Variants in CWC27 observed in about 807,000 individuals in gnomAD.
CWC27 encodes spliceosome-associated protein CWC27 homolog.
In CWC27, 47 loss-of-function variants were observed where a neutral mutation model predicts 63.6. The ratio of observed to expected loss-of-function variants is 0.74; its 90% CI spans 0.58 to 0.94. The LOEUF (loss-of-function observed/expected upper bound fraction) is 0.94. Among genes scored for constraint, CWC27 ranks in the 40% least tolerant of loss-of-function variants. The pLI, the probability that CWC27 is intolerant of heterozygous loss-of-function variation, is 0.00. For synonymous variants in CWC27, 175 were observed against 179.8 expected, an observed-to-expected ratio of 0.97 and a Z score of 0.22; for missense variants, 495 against 554.3, an observed-to-expected ratio of 0.89 and a Z score of 1.07.
chr5:64,966,748 T>G (rs959370807), intron 11 of CWC27, among the ~76,000 whole-genome samples: 2 of 152,146 alleles, frequency 1.3e-5, no homozygotes, highest in Admixed American at 1.3e-4. Flanking sequence ...TGAGTGCTAG[T>G]TTTAATGTCT....
intron 9 of CWC27, among the ~76,000 whole-genome samples, chr5:64,802,122 G>C (rs72756879): frequency 0.16 from 24,475 of 152,176 alleles, 2,395 homozygotes; most frequent in East Asian, 0.34. Flanking sequence ...AGTGATGAAG[G>C]GGGTGAGGTC....
intron 12 of CWC27, among the ~76,000 whole-genome samples, chr5:64,974,074 G>GA (rs777922530): frequency 0.012 from 1,578 of 129,356 alleles, 23 homozygotes; most frequent in African/African-American, 0.03. Flanking sequence ...CATCTCTACA[G>GA]AAAAAAAAAA....
In CWC27 at chr5:64,801,316, C is replaced by A. The variant is rs140266671; in HGVS notation, c.764C>A (p.Ala255Glu). The A allele has an allele frequency of 2.5e-4, 352 of 1,408,132 alleles. No individual in the cohort carries two copies. The African/African-American group carries it at 4.8e-3, about 19-fold the overall frequency. 87.2% of individuals were successfully genotyped at this position (1,408,132 alleles called of 1,614,324 possible). Residue 255 changes from alanine (A) to glutamate (E), a missense_variant, in exon 9 of 14, where the codon GCA becomes GAA. Around this residue, in one of 3 missense-constraint regions of CWC27, gnomAD observed 463 missense variants for 498.1 expected, o/e 0.93. Transcript: ENST00000381070. The stretch of plus-strand genomic sequence containing the variant: ...TTTTTTTATAGTGAAAAAGGTGATG[C>A]ACCAGATTTAGTTGATGTAAGTATT... ...VPVVESEKGD[A>E]PDLVDDGEDE... is the part of the protein sequence containing the mutation.
chr5:64,954,912 C>T (rs988457719), intron 11 of CWC27, among the ~76,000 whole-genome samples: 1 of 151,920 alleles, frequency 6.6e-6, no homozygotes, highest in Non-Finnish European at 1.5e-5. Flanking sequence ...CCATGATAAG[C>T]AGTGCTACAT....
At chr5:64,797,570 T>C (rs1744320059) in intron 7 of CWC27, among the ~76,000 whole-genome samples, 1 of 152,192 alleles carries the variant, frequency 6.6e-6, no homozygotes, top group Middle Eastern at 3.2e-3. Context: ...TTTAAATTAG[T>C]GTAAAACAAG....
At chr5:64,834,902 G>C (rs1261517052) in intron 10 of CWC27, among the ~76,000 whole-genome samples, 4 of 151,694 alleles carry the variant, frequency 2.6e-5, no homozygotes, top group African/African-American at 9.7e-5. Flanking sequence ...CAGGAAAAGA[G>C]TTTGCAATTC....
chr5:64,837,450 C>T (rs1745685830), intron 10 of CWC27, among the ~76,000 whole-genome samples: 1 of 151,248 alleles, frequency 6.6e-6, no homozygotes, highest in Admixed American at 6.6e-5. Flanking sequence ...CTTACTTTGG[C>T]TACTAAAGTG....
chr5:64,900,257 A>G (rs546430516), intron 11 of CWC27, among the ~76,000 whole-genome samples: 19 of 152,298 alleles, frequency 1.2e-4, no homozygotes, highest in Admixed American at 1.2e-3. Context: ...AATTTTAGCC[A>G]TTCTAATAGT....
At chr5:64,819,265 G>A (rs906344927) in intron 10 of CWC27, among the ~76,000 whole-genome samples, 8 of 152,052 alleles carry the variant, frequency 5.3e-5, no homozygotes, top group African/African-American at 1.4e-4. Flanking sequence ...ACATCATACT[G>A]GACTTAATAA....
At chr5:64,804,004 T>C (rs1410042431) in intron 9 of CWC27, among the ~76,000 whole-genome samples, 1 of 152,102 alleles carries the variant, frequency 6.6e-6, no homozygotes, top group Non-Finnish European at 1.5e-5. Flanking sequence ...CGAACAGCCT[T>C]TCCTGGGGTA....
At chr5:64,999,397 T>C (rs1179414728) in intron 13 of CWC27, among the ~76,000 whole-genome samples, 1 of 152,112 alleles carries the variant, frequency 6.6e-6, no homozygotes, top group Non-Finnish European at 1.5e-5. Context: ...AATAAATTTT[T>C]AACCATAGTC....
chr5:64,964,000 T>C (rs1748967594), intron 11 of CWC27, among the ~76,000 whole-genome samples: 1 of 152,232 alleles, frequency 6.6e-6, no homozygotes, highest in Non-Finnish European at 1.5e-5. Flanking sequence ...TTACCTGACA[T>C]GTTTTCCATT....
intron 11 of CWC27, among the ~76,000 whole-genome samples, chr5:64,951,470 G>C (rs1748707513): frequency 6.6e-6 from 1 of 151,874 alleles, no homozygotes; most frequent in Non-Finnish European, 1.5e-5. Context: ...TCCTTTATCA[G>C]ATAAATGTTT....
intron 10 of CWC27, among the ~76,000 whole-genome samples, chr5:64,869,535 T>G (rs891671437): frequency 2.0e-5 from 3 of 151,998 alleles, no homozygotes; most frequent in African/African-American, 7.2e-5. Context: ...TATGAAGCCT[T>G]ATGGAAAAGA....
intron 13 of CWC27, 43 bp downstream of exon 13, chr5:64,977,281 C>T (rs185191333): frequency 1.5e-4 from 198 of 1,349,196 alleles, no homozygotes; most frequent in Admixed American, 1.4e-3. Flanking sequence ...AACAAATAGT[C>T]TCAGAGCAGA....
intron 13 of CWC27, among the ~76,000 whole-genome samples, chr5:64,986,463 A>C (rs1486158670): frequency 6.6e-6 from 1 of 152,210 alleles, no homozygotes; most frequent in Non-Finnish European, 1.5e-5. Context: ...ATTTGAATCT[A>C]TGCTCTTGAA....
At chr5:64,836,686 T>C (rs1745667263) in intron 10 of CWC27, among the ~76,000 whole-genome samples, 1 of 152,022 alleles carries the variant, frequency 6.6e-6, no homozygotes, top group Non-Finnish European at 1.5e-5. Context: ...GAATTTAGAC[T>C]GGAAGGAGAC....
chr5:64,858,463 A>AAATAATAATAATAATAATAAT (rs199882585), intron 10 of CWC27, among the ~76,000 whole-genome samples: 10 of 146,606 alleles, frequency 6.8e-5, no homozygotes, highest in African/African-American at 2.3e-4. Flanking sequence ...CTCCATCTCA[A>AAATAATAATAATAATAATAAT]AATAATAATA....
intron 11 of CWC27, among the ~76,000 whole-genome samples, chr5:64,912,386 T>C (rs545942571): frequency 2.2e-4 from 34 of 152,294 alleles, no homozygotes; most frequent in Admixed American, 4.6e-4. Context: ...ACTCCAGATA[T>C]TGACATTATC....
Sources: gnomAD v4.1 joint callset for allele counts (sites outside exome capture counted in the v4.1 genomes callset) on GRCh38, gnomAD v4.1.1 for gene constraint, gnomAD v4.1.1 regional missense constraint, MANE v1.5 for transcripts, NCBI Gene and HGNC (gene_info 2026-07-23, HGNC 2026-07-21) for gene names.